KLHL3: variants seen among roughly 807,000 people sequenced by gnomAD.
KLHL3 encodes kelch-like protein 3.
KLHL3 carries 19 observed loss-of-function variants against 70.5 expected under a neutral mutation model. That is an observed-to-expected ratio of 0.27 (90% confidence interval 0.19 to 0.40). KLHL3 has a LOEUF of 0.40. Among genes scored for constraint, KLHL3 ranks in the 10% least tolerant of loss-of-function variants. The pLI is 1.00. For synonymous variants in KLHL3, 258 were observed against 290.3 expected, an observed-to-expected ratio of 0.89 and a Z score of 1.13; for missense variants, 512 against 771.1, an observed-to-expected ratio of 0.66 and a Z score of 3.98.
At chr5:137,628,920 C>T (rs1242761236) in intron 12 of KLHL3, 3 of 152,114 alleles carry the variant, frequency 2.0e-5, no homozygotes, top group Non-Finnish European at 2.9e-5. Flanking sequence ...TCCTACAATG[C>T]TGTATTACTT....
In KLHL3 at chr5:137,722,254, G is replaced by A. The variant is rs529350938; in HGVS notation, c.15-1670C>T. On this transcript the variant is annotated intron_variant, in intron 1 of 14. Transcript: ENST00000309755. ...CGTAACTATTGGAACATTCAAATAC[G>A]ACCAGCGTGGCAGACCCACAGCTTG... Among the ~76,000 whole-genome samples, 5 of 152,268 alleles carry A rather than the reference G, an allele frequency of 3.3e-5. No individual in the cohort carries two copies. The East Asian group carries it at 5.8e-4, about 18-fold the overall frequency.
At chr5:137,726,254 A>G (rs1753083455) in intron 1 of KLHL3, among the ~76,000 whole-genome samples, 1 of 152,188 alleles carries the variant, frequency 6.6e-6, no homozygotes, top group Admixed American at 6.5e-5. Context: ...AGGACTCTAT[A>G]GCTAAAAAGC....
At chr5:137,635,862 AT>A (rs372333714) in intron 11 of KLHL3, among the ~76,000 whole-genome samples, 1 of 152,310 alleles carries the variant, frequency 6.6e-6, no homozygotes, top group African/African-American at 2.4e-5. Flanking sequence ...CAAGGGGAGT[AT>A]TTTAAATTAC....
intron 10 of KLHL3, among the ~76,000 whole-genome samples, chr5:137,637,959 G>A (rs1004970625): frequency 6.6e-5 from 10 of 152,172 alleles, no homozygotes; most frequent in Admixed American, 5.2e-4. Flanking sequence ...GCCATCTCAC[G>A]ATCATGAGAA....
At position 137,659,069 on chromosome 5, in the gene KLHL3, C is replaced by T. The variant is rs1231061982; in HGVS notation, c.754-789G>A. Among the ~76,000 whole-genome samples, 5 of 152,198 alleles carry T rather than the reference C, an allele frequency of 3.3e-5. No individual in the cohort carries two copies. In the East Asian group the frequency reaches 9.6e-4, roughly 29 times the overall value. ...TAACTCTCCAATCCCCACCTTTTGG[C>T]CCAGGTCAGATCACTGTGTGGCATA... On this transcript the variant is annotated intron_variant, in intron 7 of 14. Transcript: ENST00000309755.
At chr5:137,689,659 T>C (rs1752268935) in intron 5 of KLHL3, among the ~76,000 whole-genome samples, 1 of 152,142 alleles carries the variant, frequency 6.6e-6, no homozygotes, top group African/African-American at 2.4e-5. Context: ...AAACAGACAC[T>C]GGGGACTCCA....
chr5:137,681,097 A>G (rs898776325), intron 5 of KLHL3, among the ~76,000 whole-genome samples: 2 of 152,170 alleles, frequency 1.3e-5, no homozygotes, highest in Non-Finnish European at 2.9e-5. Context: ...AACAAATTTA[A>G]TTCTATCGAA....
intron 6 of KLHL3, chr5:137,677,268 G>A (rs1454214171): frequency 8.3e-6 from 2 of 240,444 alleles, no homozygotes; most frequent in Non-Finnish European, 1.6e-5. Context: ...TCAACATGGT[G>A]AAACCCTGTC....
At chr5:137,664,732 C>A (rs1216038950) in intron 6 of KLHL3, among the ~76,000 whole-genome samples, 2 of 151,912 alleles carry the variant, frequency 1.3e-5, no homozygotes, top group Non-Finnish European at 2.9e-5. Flanking sequence ...GCAGGAGGAT[C>A]ACTTGGTCCC....
chr5:137,686,377 T>C (rs1240976177), intron 5 of KLHL3, among the ~76,000 whole-genome samples: 5 of 151,912 alleles, frequency 3.3e-5, no homozygotes, highest in Admixed American at 3.3e-4. Flanking sequence ...TCCTCCCCAT[T>C]CCCCCTGTTC....
intron 5 of KLHL3, among the ~76,000 whole-genome samples, chr5:137,685,261 G>A (rs1038652780): frequency 1.3e-5 from 2 of 152,186 alleles, no homozygotes; most frequent in Non-Finnish European, 2.9e-5. Flanking sequence ...TCTCATGGAA[G>A]CATTTTAAAT....
At chr5:137,633,944 A>G in intron 12 of KLHL3, 93 bp downstream of exon 12, 1 of 1,515,600 alleles carries the variant, frequency 6.6e-7, no homozygotes, top group Non-Finnish European at 9.1e-7. Context: ...AAACCTGCAC[A>G]TGTACCCTCT....
At chr5:137,647,516 G>C in intron 8 of KLHL3, 2 of 471,694 alleles carry the variant, frequency 4.2e-6, no homozygotes, top group Non-Finnish European at 8.8e-6. Context: ...CATCGGGCAA[G>C]AGTAGAATGC....
At chr5:137,635,876 C>T (rs1368020707) in intron 11 of KLHL3, among the ~76,000 whole-genome samples, 1 of 152,164 alleles carries the variant, frequency 6.6e-6, no homozygotes, top group African/African-American at 2.4e-5. Context: ...TAAATTACCA[C>T]CATTATGGCA....
At chr5:137,666,796 C>A (rs1712180864) in intron 6 of KLHL3, among the ~76,000 whole-genome samples, 1 of 152,076 alleles carries the variant, frequency 6.6e-6, no homozygotes, top group South Asian at 2.1e-4. Context: ...AAACTTCCAA[C>A]TTGCTTTAGC....
In KLHL3 at chr5:137,735,761, T is replaced by C. The variant is rs1226385892; in HGVS notation, c.-115A>G. The C allele has an allele frequency of 1.2e-5, 17 of 1,420,914 alleles. No homozygotes were observed. The highest frequency in any genetic ancestry group is 1.7e-5 in the Non-Finnish European group (17 of 1,004,738). 88.0% of individuals were successfully genotyped at this position (1,420,914 alleles called of 1,614,324 possible). On this transcript the variant is annotated 5_prime_UTR_variant, in exon 1 of 15. Transcript: ENST00000309755. ...GGGAAATCTGATCAGCAACAGTGATTCAGCATGGCTGCAAGTGAAGCCTCC... is the reference window on the plus strand; with the variant it reads ...GGGAAATCTGATCAGCAACAGTGATCCAGCATGGCTGCAAGTGAAGCCTCC...
chr5:137,669,497 C>CA lies in KLHL3; in HGVS notation c.637-7467_637-7466insT, dbSNP rs1431524394. Among the ~76,000 whole-genome samples, 792 of 151,552 alleles carry CA rather than the reference C, an allele frequency of 5.2e-3. 5 individuals carry two copies. The highest frequency in any genetic ancestry group is 9.4e-3 in the Non-Finnish European group (632 of 67,482). ...ACCAAAAATGATGAAAAAATTAAAA[C>CA]GGTAACATCACTTGGCCTGGAAATT... On this transcript the variant is annotated intron_variant, in intron 6 of 14. Coordinates refer to ENST00000309755, the MANE Select transcript of KLHL3 (RefSeq NM_017415.3).
At chr5:137,725,236 C>G (rs538745539) in intron 1 of KLHL3, among the ~76,000 whole-genome samples, 2 of 152,230 alleles carry the variant, frequency 1.3e-5, no homozygotes, top group East Asian at 3.9e-4. Flanking sequence ...AGTCTAACAC[C>G]ATACTTTTCA....
At chr5:137,652,772 T>C (rs1303881329) in intron 8 of KLHL3, among the ~76,000 whole-genome samples, 1 of 152,172 alleles carries the variant, frequency 6.6e-6, no homozygotes, top group African/African-American at 2.4e-5. Context: ...TTAATAACAA[T>C]GTATTATATT....
Sources: gnomAD v4.1 joint callset for allele counts (sites outside exome capture counted in the v4.1 genomes callset) on GRCh38, gnomAD v4.1.1 for gene constraint, MANE v1.5 for transcripts, NCBI Gene and HGNC (gene_info 2026-07-23, HGNC 2026-07-21) for gene names.